Variants in FSD2 observed in about 807,000 individuals in gnomAD.
FSD2 encodes the protein fibronectin type III and SPRY domain containing 2, also known as fibronectin type III and SPRY domain-containing protein 2.
Under a neutral mutation model 80.4 loss-of-function variants are expected in FSD2, and 71 were observed. The observed-to-expected ratio is 0.88, with a 90% CI of 0.73 to 1.08. The LOEUF (loss-of-function observed/expected upper bound fraction) is 1.08. Among genes scored for constraint, FSD2 ranks in the 50% least tolerant of loss-of-function variants. FSD2 has a pLI of 0.00. For synonymous variants in FSD2, 361 were observed against 329.5 expected (o/e 1.10, Z -1.03); for missense variants, 923 against 913.8 (o/e 1.01, Z -0.13).
At chr15:82,776,553 A>G (rs2049717345) in intron 6 of FSD2, among the ~76,000 whole-genome samples, 1 of 152,208 alleles carries the variant, frequency 6.6e-6, no homozygotes, top group Non-Finnish European at 1.5e-5. Flanking sequence ...TTGTATACTG[A>G]AAACTATAAA....
intron 1 of FSD2, among the ~76,000 whole-genome samples, chr15:82,790,349 C>T (rs1395645298): frequency 6.6e-6 from 1 of 152,236 alleles, no homozygotes; most frequent in Non-Finnish European, 1.5e-5. Context: ...TGCTCTCCTT[C>T]AGCCAGGGTC....
chr15:82,774,902 A>G (rs1048591758), intron 6 of FSD2, among the ~76,000 whole-genome samples: 4 of 151,356 alleles, frequency 2.6e-5, no homozygotes, highest in Non-Finnish European at 4.4e-5. Flanking sequence ...TTGTATTTTT[A>G]GTAGAGACGG....
intron 1 of FSD2, among the ~76,000 whole-genome samples, chr15:82,793,327 T>G (rs918702625): frequency 2.7e-5 from 4 of 149,884 alleles, no homozygotes; most frequent in African/African-American, 9.7e-5. Context: ...TTTTTTGTGT[T>G]TTTTTTTTTC....
rs1311305134 is a variant in FSD2 at position 82,787,432 on chromosome 15, G to A, written c.-42C>T. ...CTCAGAAGCACCTTTATATAAGAAA[G>A]ATCCTTCCTGGACACTTAATAGTGA... On this transcript the variant is annotated 5_prime_UTR_variant, in exon 2 of 13. Transcript: ENST00000334574. 1 of 1,533,180 alleles carries A rather than the reference G, an allele frequency of 6.5e-7. No homozygotes were observed. The highest frequency in any genetic ancestry group is 8.8e-7 in the Non-Finnish European group (1 of 1,140,492). 95.0% of individuals were successfully genotyped at this position (1,533,180 alleles called of 1,614,324 possible). A position where few individuals can be genotyped will look rare whatever the true frequency, so the allele number is the denominator to read the frequency against.
intron 1 of FSD2, among the ~76,000 whole-genome samples, chr15:82,800,565 G>A (rs2050385619): frequency 6.6e-6 from 1 of 151,586 alleles, no homozygotes; most frequent in Admixed American, 6.6e-5. Context: ...CGTGGTGGGT[G>A]CCTGTAATCC....
intron 1 of FSD2, among the ~76,000 whole-genome samples, chr15:82,793,748 T>C (rs1030668638): frequency 1.3e-5 from 2 of 152,232 alleles, no homozygotes; most frequent in East Asian, 3.8e-4. Flanking sequence ...AGGAAATGTC[T>C]ATTTCATTTA....
At chr15:82,796,411 T>G (rs371607944) in intron 1 of FSD2, 3 of 153,840 alleles carry the variant, frequency 2.0e-5, no homozygotes, top group African/African-American at 7.2e-5. Flanking sequence ...TGAACCAAGG[T>G]TGGCTGGCAG....
rs1020556290 is a variant in FSD2 at position 82,796,306 on chromosome 15, T to A, written c.-78-8838A>T. 7.2e-5 allele frequency: 11 copies of A among 153,774 alleles called. No individual in the cohort carries two copies. The Admixed American group carries it at 7.2e-4, about 10-fold the overall frequency. The allele number at this position is 153,774 out of a possible 1,614,324, so 9.5% of individuals were successfully genotyped here. A position where few individuals can be genotyped will look rare whatever the true frequency, so the allele number is the denominator to read the frequency against. Reference sequence around the variant, plus strand: ...GTGAGCCACTGCGCCCGGGAGAAGTTGTGATTTCAACCCACATCATGGCAA... The same window carrying A: ...GTGAGCCACTGCGCCCGGGAGAAGTAGTGATTTCAACCCACATCATGGCAA... On this transcript the variant is annotated intron_variant, in intron 1 of 12. Coordinates refer to ENST00000334574, the MANE Select transcript of FSD2 (RefSeq NM_001007122.4).
intron 7 of FSD2, 48 bp downstream of exon 7, chr15:82,772,025 G>A (rs746891080): frequency 3.3e-6 from 5 of 1,496,290 alleles, no homozygotes; most frequent in South Asian, 2.8e-5. Context: ...CCCCTGAGGG[G>A]CCTGAACTGT....
chr15:82,759,398 G>C lies in FSD2; in HGVS notation c.2200C>G (p.Leu734Val). Residue 734 changes from leucine to valine, a missense_variant, in exon 13 of 13, where the codon CTA (leucine) becomes GTA (valine). Leu to Val is a conservative substitution (Grantham distance 32, BLOSUM62 1). Transcript: ENST00000334574. ...PCFSLEKPGC[L>V]KVHNGISMPK... ...ATTGAAATGCCATTATGTACCTTTA[G>C]ACACCCAGGCTTTTCCAAAGAAAAA... 1 of 1,613,702 alleles carries C rather than the reference G, an allele frequency of 6.2e-7. No individual in the cohort carries two copies. Among genetic ancestry groups the C allele is most frequent in the Non-Finnish European group, 8.5e-7 (1 of 1,179,768 alleles).
intron 1 of FSD2, among the ~76,000 whole-genome samples, chr15:82,798,976 C>T (rs2050347288): frequency 1.4e-5 from 2 of 147,112 alleles, no homozygotes; most frequent in African/African-American, 5.0e-5. Flanking sequence ...CTTCTGGGCT[C>T]AAACAATCCT....
At chr15:82,797,234 G>T (rs1207655993) in intron 1 of FSD2, among the ~76,000 whole-genome samples, 1 of 152,192 alleles carries the variant, frequency 6.6e-6, no homozygotes, top group Non-Finnish European at 1.5e-5. Context: ...AATTTTTCAT[G>T]ATAGATCACT....
chr15:82,781,941 G>A (rs185187537), intron 4 of FSD2, among the ~76,000 whole-genome samples: 1 of 151,352 alleles, frequency 6.6e-6, no homozygotes, highest in East Asian at 2.0e-4. Context: ...GCGGGTGCCT[G>A]TAATCCCAGC....
At chr15:82,765,467 T>G (rs567335310) in intron 10 of FSD2, among the ~76,000 whole-genome samples, 169 bp from the exon 11 acceptor site, 1 of 152,192 alleles carries the variant, frequency 6.6e-6, no homozygotes, top group Non-Finnish European at 1.5e-5. Flanking sequence ...GGCAGTCTTG[T>G]GTGCCTAGTA....
At chr15:82,805,104 G>C (rs1298456994) in intron 1 of FSD2, among the ~76,000 whole-genome samples, 3 of 149,504 alleles carry the variant, frequency 2.0e-5, no homozygotes, top group Admixed American at 1.3e-4. Context: ...TATGGGAGGT[G>C]TATCCCTGTG....
intron 6 of FSD2, among the ~76,000 whole-genome samples, chr15:82,774,484 C>A (rs1462528872): frequency 1.3e-5 from 2 of 152,168 alleles, no homozygotes; most frequent in Non-Finnish European, 2.9e-5. Flanking sequence ...TCCATTTTTA[C>A]AGATGAAGAA....
Position 82,768,929 on chromosome 15 carries a change from T to C in FSD2, c.1504A>G (p.Thr502Ala), listed in dbSNP as rs1333774833. 1 of 1,606,432 alleles carries C rather than the reference T, an allele frequency of 6.2e-7. No individual in the cohort carries two copies. Among genetic ancestry groups the C allele is most frequent in the South Asian group, 1.1e-5 (1 of 89,138 alleles). Residue 502 changes from threonine (T) to alanine (A), a missense_variant, in exon 9 of 13, where the codon ACT becomes GCT. By Grantham distance (58) the Thr-to-Ala change is moderately conservative. Transcript: ENST00000334574. ...CTTTCAGCCTGGGTCAGCTCCACAG[T>C]GTACGAGTCCACAGGATTCAGGTTC... ...SGNLNPVDSY[T>A]VELTQAESPE...
At chr15:82,792,195 G>C (rs562673255) in intron 1 of FSD2, among the ~76,000 whole-genome samples, 205 of 152,284 alleles carry the variant, frequency 1.3e-3, no homozygotes, top group African/African-American at 4.4e-3. Flanking sequence ...CCATCAAACT[G>C]TTTTCCAAAT....
intron 9 of FSD2, 54 bp from the exon 10 acceptor site, chr15:82,766,085 A>G: frequency 6.7e-7 from 1 of 1,499,548 alleles, no homozygotes; most frequent in Admixed American, 2.1e-5. Flanking sequence ...CCCAGGCCCA[A>G]GCACCAGGCA....
Sources: allele counts gnomAD v4.1 joint callset (sites outside exome capture counted in the v4.1 genomes callset), GRCh38; gene constraint gnomAD v4.1.1; transcripts MANE v1.5; gene names NCBI Gene and HGNC (gene_info 2026-07-23, HGNC 2026-07-21).